TLE2: variants seen among roughly 807,000 people sequenced by gnomAD.
The protein encoded by TLE2 is transducin-like enhancer protein 2.
Under a neutral mutation model 97.2 loss-of-function variants are expected in TLE2, and 74 were observed. The ratio of observed to expected loss-of-function variants is 0.76; its 90% CI spans 0.63 to 0.92. TLE2 has a LOEUF of 0.92. TLE2 is among the 40% of genes least tolerant of loss of function. TLE2 has a pLI of 0.00. For missense variants in TLE2, 1,038 were observed against 1,008.7 expected (o/e 1.03, Z -0.39); for synonymous variants, 499 against 432.1 (o/e 1.15, Z -1.92).
At chr19:3,032,741 C>T (rs925691728), upstream of TLE2, among the ~76,000 whole-genome samples, 2 of 151,966 alleles carry the variant, frequency 1.3e-5, no homozygotes, top group Non-Finnish European at 1.5e-5. The surrounding 1 kb of genome is among the most constrained non-coding windows in gnomAD (Gnocchi z 4.1). Flanking sequence ...AAACAGGGAG[C>T]GCCATCATTC....
chr19:3,011,799 G>A (rs561248527), intron 11 of TLE2, among the ~76,000 whole-genome samples: 5 of 151,856 alleles, frequency 3.3e-5, no homozygotes, highest in African/African-American at 7.2e-5. Flanking sequence ...GCAGTGAGCC[G>A]AGATCACGCC....
upstream of TLE2, among the ~76,000 whole-genome samples, chr19:3,029,933 A>G (rs1217199102): frequency 1.3e-5 from 2 of 152,014 alleles, no homozygotes; most frequent in Non-Finnish European, 2.9e-5. Context: ...AGTAGCTGGG[A>G]CTACAGGTGT....
chr19:2,999,183 G>A (rs905292749), intron 19 of TLE2, among the ~76,000 whole-genome samples: 9 of 152,048 alleles, frequency 5.9e-5, no homozygotes, highest in African/African-American at 2.2e-4. Flanking sequence ...TTGGGAAGCT[G>A]TGGGAGGAGA....
intron 7 of TLE2, 113 bp from the exon 8 acceptor site, chr19:3,017,972 C>T (rs2089750641): frequency 3.2e-6 from 3 of 926,316 alleles, no homozygotes; most frequent in Non-Finnish European, 4.9e-6. Flanking sequence ...CCCCCACCAC[C>T]CCACTCAGAG....
At chr19:3,000,034 A>G (rs1446464700) in intron 19 of TLE2, among the ~76,000 whole-genome samples, 2 of 149,408 alleles carry the variant, frequency 1.3e-5, no homozygotes, top group African/African-American at 2.5e-5. Context: ...TTCTGTCTCC[A>G]AAAAAAAAGA....
At chr19:3,000,622 GT>G in intron 19 of TLE2, 24 bp downstream of exon 19, 3 of 1,563,600 alleles carry the variant, frequency 1.9e-6, no homozygotes, top group Non-Finnish European at 2.6e-6. Context: ...CCCTGCCAGA[GT>G]GGGGGCTCCA....
intron 13 of TLE2, among the ~76,000 whole-genome samples, chr19:3,009,306 C>A (rs1257827899): frequency 6.6e-6 from 1 of 152,202 alleles, no homozygotes; most frequent in Non-Finnish European, 1.5e-5. Context: ...GGCCCTACTG[C>A]TCCTCTTCAT....
rs201060628 is a variant in TLE2 at position 3,015,770 on chromosome 19, G to C, written c.571-10C>G. On this transcript the variant is annotated splice_polypyrimidine_tract_variant and intron_variant, in intron 8 of 19. Transcript: ENST00000262953. ...GCGAGGGAGATGCACTCTGCGGAGA[G>C]ACAAAGGCCGGGGGGAGAAAGGGTC... 5.0e-6 allele frequency: 8 copies of C among 1,592,178 alleles called. No individual in the cohort carries two copies. In the Admixed American group the frequency reaches 5.2e-5, roughly 10 times the overall value.
chr19:3,036,695 T>C (rs1328904516), intron 1 of TLE2, among the ~76,000 whole-genome samples: 1 of 152,214 alleles, frequency 6.6e-6, no homozygotes, highest in East Asian at 1.9e-4. Flanking sequence ...GGGCCTCTCT[T>C]TGAGCCTCAG....
At chr19:3,035,151 G>C (rs2090052720) in intron 1 of TLE2, among the ~76,000 whole-genome samples, 1 of 152,176 alleles carries the variant, frequency 6.6e-6, no homozygotes, top group Non-Finnish European at 1.5e-5. Flanking sequence ...AGGAGTTTTT[G>C]CTCTGGGCAG....
chr19:3,017,177 G>T (rs1042584801), intron 8 of TLE2, among the ~76,000 whole-genome samples: 5 of 151,782 alleles, frequency 3.3e-5, no homozygotes, highest in Admixed American at 3.3e-4. Flanking sequence ...TCATACTGTC[G>T]CACAGGCTGG....
chr19:3,028,326 T>G lies in TLE2; in HGVS notation c.179A>C (p.Tyr60Ser). The stretch of plus-strand genomic sequence containing the variant: ...CATCATAAGTGCCCTCACCATGACA[T>G]AATGTCGCTGCATTTCCGTCTTCTC... Reference protein sequence around the residue: ...ASEKTEMQRHYVMYYEMSYGL... With the variant: ...ASEKTEMQRHSVMYYEMSYGL... The change falls in exon 3 of 20, where the codon TAT becomes TCT. Residue 60 changes from tyrosine to serine, a missense_variant. By Grantham distance (144) the Tyr-to-Ser change is moderately radical (BLOSUM62 -2). Transcript: ENST00000262953. The G allele has an allele frequency of 6.2e-7, 1 of 1,609,152 alleles. No homozygotes were observed.
intron 1 of TLE2, among the ~76,000 whole-genome samples, chr19:3,040,965 C>T (rs1395932470): frequency 5.2e-5 from 7 of 135,536 alleles, no homozygotes; most frequent in Admixed American, 1.6e-4. Context: ...CCCAGAGTGG[C>T]CCTTGATGAC....
At chr19:3,017,888 A>G in intron 7 of TLE2, 29 bp from the exon 8 acceptor site, 1 of 1,609,346 alleles carries the variant, frequency 6.2e-7, no homozygotes, top group Non-Finnish European at 8.5e-7. Flanking sequence ...GATAAAGAGA[A>G]AGAAGGAGAA....
In TLE2 at chr19:3,019,654, G is replaced by C; in HGVS notation, c.369+45C>G. On this transcript the variant is annotated intron_variant, in intron 6 of 19. Coordinates refer to ENST00000262953, the MANE Select transcript of TLE2 (RefSeq NM_003260.5). This position sits in a 1 kb window ranked among gnomAD's most constrained non-coding sequence, Gnocchi z 5.1. ...TCCTGGGTGGGTGCCAGGGACCTGGGAGTGGGCGTCTCCCCATGGCGGGGC... is the reference window on the plus strand; with the variant it reads ...TCCTGGGTGGGTGCCAGGGACCTGGCAGTGGGCGTCTCCCCATGGCGGGGC... 1 of 1,589,604 alleles carries C rather than the reference G, an allele frequency of 6.3e-7. No homozygotes were observed. Among genetic ancestry groups the C allele is most frequent in the Non-Finnish European group, 8.6e-7 (1 of 1,168,136 alleles).
chr19:3,021,122 G>GA (rs200093020), intron 5 of TLE2, among the ~76,000 whole-genome samples: 2 of 127,594 alleles, frequency 1.6e-5, no homozygotes, highest in African/African-American at 3.1e-5. Context: ...AAAGGGGGGG[G>GA]GGTGCTGAGC....
At chr19:3,010,497 T>C (rs1315510676) in intron 12 of TLE2, among the ~76,000 whole-genome samples, 2 of 152,236 alleles carry the variant, frequency 1.3e-5, no homozygotes, top group South Asian at 4.1e-4. Flanking sequence ...CAGCCCTGAC[T>C]ATACAGGGCT....
Position 2,997,839 on chromosome 19 carries a change from G to A in TLE2, c.*9C>T. The stretch of plus-strand genomic sequence containing the variant: ...TCTGGACTTCGGGTACAGGAAGGGG[G>A]GTCATGTCTCAGTAGACCACCTCAT... On this transcript the variant is annotated 3_prime_UTR_variant, in exon 20 of 20. Transcript: ENST00000262953. 2 of 1,588,968 alleles carry A rather than the reference G, an allele frequency of 1.3e-6. No homozygotes were observed. The highest frequency in any genetic ancestry group is 1.7e-6 in the Non-Finnish European group (2 of 1,162,850).
intron 5 of TLE2, among the ~76,000 whole-genome samples, chr19:3,022,581 AAT>A (rs1012220619): frequency 3.9e-5 from 6 of 152,144 alleles, no homozygotes; most frequent in African/African-American, 1.4e-4. Context: ...AAATATTATT[AAT>A]AGTTAACCTA....
Sources: allele counts gnomAD v4.1 joint callset (sites outside exome capture counted in the v4.1 genomes callset), GRCh38; gene constraint gnomAD v4.1.1; non-coding constraint Gnocchi (gnomAD v3.1); transcripts MANE v1.5; gene names NCBI Gene and HGNC (gene_info 2026-07-23, HGNC 2026-07-21).